The following PDE7A variants were observed in gnomAD, a reference collection of about 807,000 sequenced individuals.
The protein encoded by PDE7A is phosphodiesterase 7A, also known as high affinity 3',5'-cyclic-AMP phosphodiesterase 7A.
In PDE7A, 39 loss-of-function variants were observed where a neutral mutation model predicts 64.3. That is an observed-to-expected ratio of 0.61 (90% CI 0.47 to 0.79). The LOEUF is 0.79. PDE7A is among the 30% of genes least tolerant of loss of function. PDE7A has a pLI of 0.00. For synonymous variants in PDE7A, 203 were observed against 206.8 expected, an observed-to-expected ratio of 0.98 and a Z score of 0.16; for missense variants, 470 against 582.8, an observed-to-expected ratio of 0.81 and a Z score of 1.99.
intron 1 of PDE7A, among the ~76,000 whole-genome samples, 158 bp from the exon 2 acceptor site, chr8:65,783,001 T>G (rs935897656): frequency 6.6e-6 from 1 of 152,196 alleles, no homozygotes; most frequent in African/African-American, 2.4e-5. Flanking sequence ...TCTTGAAATC[T>G]CTGGGGTACG....
intron 1 of PDE7A, among the ~76,000 whole-genome samples, chr8:65,834,973 C>T (rs891882336): frequency 6.6e-6 from 1 of 152,148 alleles, no homozygotes; most frequent in African/African-American, 2.4e-5. Context: ...TGCAAATATA[C>T]CTGAATGCAA....
At chr8:65,734,465 G>A (rs1370941004) in intron 7 of PDE7A, among the ~76,000 whole-genome samples, 2 of 152,144 alleles carry the variant, frequency 1.3e-5, no homozygotes. Context: ...CCTCTCTGTA[G>A]CTCCTCATTC....
At position 65,715,490 on chromosome 8, in the gene PDE7A, G is replaced by A. The variant is rs1008052314; in HGVS notation, c.*3800C>T. Among the ~76,000 whole-genome samples, 4 of 150,648 alleles carry A rather than the reference G, an allele frequency of 2.7e-5. No individual in the cohort carries two copies. Among genetic ancestry groups the A allele is most frequent in the South Asian group, 2.1e-4 (1 of 4,760 alleles). On this transcript the variant is annotated 3_prime_UTR_variant, in exon 13 of 13. Transcript: ENST00000401827. ...CCACCTGGGTTCAAGCAATTCTTCC[G>A]CCTCAGCCTCCCGAGTAGCTGGGAT...
chr8:65,798,206 A>ATATATATATATATATTTTTTTTTTTTTT, intron 1 of PDE7A, among the ~76,000 whole-genome samples: 1 of 73,834 alleles, frequency 1.4e-5, no homozygotes, highest in African/African-American at 5.8e-5. Context: ...ATATATATAT[A>ATATATATATATATATTTTTTTTTTTTTT]TTTTTTTTTT....
At chr8:65,808,693 T>C (rs1810169478) in intron 1 of PDE7A, among the ~76,000 whole-genome samples, 1 of 152,116 alleles carries the variant, frequency 6.6e-6, no homozygotes, top group Non-Finnish European at 1.5e-5. Context: ...TAAAGAAAAA[T>C]ACAATTTATA....
intron 7 of PDE7A, among the ~76,000 whole-genome samples, chr8:65,733,107 C>T (rs554059127): frequency 2.6e-5 from 4 of 152,274 alleles, no homozygotes; most frequent in African/African-American, 9.6e-5. Flanking sequence ...TAATTGAAGC[C>T]TTGGGTAAAG....
intron 4 of PDE7A, among the ~76,000 whole-genome samples, chr8:65,746,897 T>G (rs1807699095): frequency 6.6e-6 from 1 of 151,894 alleles, no homozygotes; most frequent in Admixed American, 6.6e-5. Context: ...ACTTAAAAAC[T>G]TATCTACACA....
rs11342419 is a variant in PDE7A, at chr8:65,765,488, C to CAAAAAAAAAA, written c.283+14222_283+14231dup. The CAAAAAAAAAA allele has an allele frequency of 6.7e-4, 30 of 44,614 alleles. 1 individual carries two copies. Among genetic ancestry groups the CAAAAAAAAAA allele is most frequent in the Non-Finnish European group, 8.7e-4 (23 of 26,422 alleles). The allele number at this position is 44,614 out of a possible 1,614,324, so 2.8% of individuals were successfully genotyped here. A position where few individuals can be genotyped will look rare whatever the true frequency, so the allele number is the denominator to read the frequency against. ...TGGGCGACAGAGCGAGACTCCGTCT[C>CAAAAAAAAAA]AAAAAAAAAAAAAAAAAAAAAAAAA... is the stretch of plus-strand genomic sequence containing the variant. On this transcript the variant is annotated intron_variant, in intron 3 of 12. Transcript: ENST00000401827.
chr8:65,779,227 A>T (rs1377025651), intron 3 of PDE7A, among the ~76,000 whole-genome samples: 1 of 152,218 alleles, frequency 6.6e-6, no homozygotes, highest in Non-Finnish European at 1.5e-5. Context: ...AGGTGTTTAG[A>T]AGTTCTGTTT....
intron 7 of PDE7A, among the ~76,000 whole-genome samples, chr8:65,734,500 T>C (rs1007763111): frequency 2.0e-5 from 3 of 152,154 alleles, no homozygotes; most frequent in Non-Finnish European, 4.4e-5. Context: ...ACCAAGGCTG[T>C]CCCTGCCCAC....
At chr8:65,735,252 A>G (rs186485958) in intron 6 of PDE7A, among the ~76,000 whole-genome samples, 1 of 152,278 alleles carries the variant, frequency 6.6e-6, no homozygotes, top group African/African-American at 2.4e-5. Context: ...GGGACAGACC[A>G]TCAGAATTCT....
intron 3 of PDE7A, among the ~76,000 whole-genome samples, chr8:65,770,729 C>A (rs558318026): frequency 1.3e-5 from 2 of 152,204 alleles, no homozygotes; most frequent in East Asian, 3.9e-4. Context: ...GTGGTGAAAT[C>A]AAAGAGAAAA....
intron 1 of PDE7A, among the ~76,000 whole-genome samples, chr8:65,818,240 T>C (rs1308464340): frequency 4.6e-5 from 7 of 152,184 alleles, no homozygotes; most frequent in Non-Finnish European, 1.5e-5. Context: ...CGTGTATGCG[T>C]CACCCTCTGT....
rs1563484028 is a variant in PDE7A, at chr8:65,745,676, ATTTT to A, written c.436-210_436-207del. On this transcript the variant is annotated intron_variant, in intron 4 of 12. Transcript: ENST00000401827. Reference sequence around the variant, plus strand: ...AACTCCATTTGAAAAATGAAACATTATTTTGTTTTTCAATTAATGAATGCACAGG... The same window carrying A: ...AACTCCATTTGAAAAATGAAACATTAGTTTTTCAATTAATGAATGCACAGG... Among the ~76,000 whole-genome samples the A allele has an allele frequency of 2.0e-5, 3 of 152,356 alleles. No homozygotes were observed. The South Asian group carries it at 6.2e-4, about 32-fold the overall frequency.
At chr8:65,766,689 C>A (rs997824594) in intron 3 of PDE7A, among the ~76,000 whole-genome samples, 3 of 152,192 alleles carry the variant, frequency 2.0e-5, no homozygotes, top group African/African-American at 7.2e-5. Flanking sequence ...CTTTTCCTCC[C>A]AATTTGTTGG....
chr8:65,761,168 C>A (rs1472198653), intron 3 of PDE7A, among the ~76,000 whole-genome samples: 1 of 151,950 alleles, frequency 6.6e-6, no homozygotes, highest in Non-Finnish European at 1.5e-5. Context: ...CTGATTCAAG[C>A]AATTCTCCTG....
chr8:65,829,282 TA>T lies in PDE7A; in HGVS notation c.138+12088del, dbSNP rs1204458629. ...TCTTTATAAAAGGTTAAGTTGCACA[TA>T]AATCACATTTCAACAAATCAAATGC... On this transcript the variant is annotated intron_variant, in intron 1 of 12. Coordinates refer to ENST00000401827, the MANE Select transcript of PDE7A (RefSeq NM_001242318.3). 3.3e-5 allele frequency among the ~76,000 whole-genome samples: 5 copies of T among 152,250 alleles called. No individual in the cohort carries two copies. The East Asian group carries it at 9.6e-4, about 29-fold the overall frequency.
At chr8:65,817,092 G>A (rs973422806) in intron 1 of PDE7A, among the ~76,000 whole-genome samples, 4 of 152,046 alleles carry the variant, frequency 2.6e-5, no homozygotes, top group South Asian at 2.1e-4. Flanking sequence ...AATCTGCTAC[G>A]AGCCCCTCTA....
chr8:65,819,008 T>A (rs1326002506), intron 1 of PDE7A, among the ~76,000 whole-genome samples: 2 of 152,240 alleles, frequency 1.3e-5, no homozygotes, highest in Non-Finnish European at 2.9e-5. Flanking sequence ...TGACTCCCAC[T>A]GTTCTCACTC....
Sources: allele counts gnomAD v4.1 joint callset (sites outside exome capture counted in the v4.1 genomes callset), GRCh38; gene constraint gnomAD v4.1.1; transcripts MANE v1.5; gene names NCBI Gene and HGNC (gene_info 2026-07-23, HGNC 2026-07-21).